The following GSG1L2 variants were observed in gnomAD, a reference collection of about 807,000 sequenced individuals.
GSG1L2 encodes the protein germ cell-specific gene 1-like protein 2.
GSG1L2 carries 15 observed loss-of-function variants against 9.0 expected under a neutral mutation model. The ratio of observed to expected loss-of-function variants is 1.67; its 90% CI spans 1.12 to 2.57. The LOEUF is 2.57. Among genes scored for constraint, GSG1L2 ranks in the 30% most tolerant of loss-of-function variants. The pLI is 0.00. For missense variants in GSG1L2, 286 were observed against 150.3 expected (o/e 1.90, Z -4.72); for synonymous variants, 127 against 57.9 (o/e 2.19, Z -5.41).
intron 1 of GSG1L2, among the ~76,000 whole-genome samples, chr17:9,814,060 A>G (rs9895270): frequency 0.57 from 86,410 of 151,180 alleles, 26,639 homozygotes; most frequent in East Asian, 0.99. Flanking sequence ...TCAGCCTCCC[A>G]AGTAGCTGGG....
intron 1 of GSG1L2, among the ~76,000 whole-genome samples, chr17:9,818,024 C>T (rs973677220): frequency 6.6e-6 from 1 of 152,208 alleles, no homozygotes; most frequent in Admixed American, 6.5e-5. Context: ...TGGCCACCTC[C>T]TTTATGAGGT....
chr17:9,810,743 G>C (rs1276471071), intron 1 of GSG1L2, 125 bp from the exon 2 acceptor site: 3 of 660,324 alleles, frequency 4.5e-6, no homozygotes, highest in Non-Finnish European at 5.5e-6. Flanking sequence ...ACTGCTCAGG[G>C]ACATGAGCTG....
At chr17:9,815,419 G>C (rs910143276) in intron 1 of GSG1L2, among the ~76,000 whole-genome samples, 1 of 152,138 alleles carries the variant, frequency 6.6e-6, no homozygotes, top group East Asian at 1.9e-4. Context: ...TTCTAGGTCA[G>C]CCTTTCCCAA....
In GSG1L2 at chr17:9,802,067, T is replaced by G. The variant is rs1325105440; in HGVS notation, c.*319A>C. Among the ~76,000 whole-genome samples, 1 of 152,232 alleles carries G rather than the reference T, an allele frequency of 6.6e-6. No individual in the cohort carries two copies. The highest frequency in any genetic ancestry group is 1.5e-5 in the Non-Finnish European group (1 of 68,042). ...TGCTTTCCTCTTTCTTCAACTTCTCTTCCCTTAGTACTGGCATCCTCCCTG... is the reference window on the plus strand; with the variant it reads ...TGCTTTCCTCTTTCTTCAACTTCTCGTCCCTTAGTACTGGCATCCTCCCTG... On this transcript the variant is annotated 3_prime_UTR_variant, in exon 5 of 5. Coordinates refer to ENST00000399363, the MANE Select transcript of GSG1L2 (RefSeq NM_001310219.2).
intron 1 of GSG1L2, among the ~76,000 whole-genome samples, chr17:9,816,240 C>T (rs376026775): frequency 6.6e-6 from 1 of 152,348 alleles, no homozygotes; most frequent in East Asian, 1.9e-4. Context: ...TTTATTTCTC[C>T]TTGCTGTTGT....
intron 2 of GSG1L2, chr17:9,809,385 A>G (rs1357480832): frequency 4.0e-5 from 10 of 248,606 alleles, no homozygotes; most frequent in African/African-American, 6.8e-5. Context: ...TACAGCTCTT[A>G]AAGGTGGCAC....
intron 1 of GSG1L2, among the ~76,000 whole-genome samples, chr17:9,812,123 A>G (rs1012147344): frequency 6.6e-6 from 1 of 152,212 alleles, no homozygotes; most frequent in Non-Finnish European, 1.5e-5. Flanking sequence ...GTTCTATTAG[A>G]GCATTTTTGC....
intron 1 of GSG1L2, among the ~76,000 whole-genome samples, chr17:9,817,911 G>A (rs1047622076): frequency 6.6e-6 from 1 of 152,000 alleles, no homozygotes; most frequent in Admixed American, 6.5e-5. Context: ...AAATACCTGG[G>A]TTATGCTGCC....
At chr17:9,821,689 C>T (rs2066590302) in intron 1 of GSG1L2, 73 bp downstream of exon 1, 6 of 671,104 alleles carry the variant, frequency 8.9e-6, no homozygotes, top group African/African-American at 3.5e-5. Flanking sequence ...GGATTCAAAC[C>T]CAGACAGCCT....
At chr17:9,818,501 A>ATTTTTTTTTTTTTTTT (rs377057350) in intron 1 of GSG1L2, among the ~76,000 whole-genome samples, 14 of 82,800 alleles carry the variant, frequency 1.7e-4, no homozygotes, top group Non-Finnish European at 2.0e-4. Context: ...ACACAGCTAA[A>ATTTTTTTTTTTTTTTT]TTTTTTTTTT....
intron 3 of GSG1L2, 153 bp from the exon 4 acceptor site, chr17:9,807,754 C>G (rs1567709116): frequency 1.7e-6 from 1 of 596,258 alleles, no homozygotes; most frequent in Non-Finnish European, 3.0e-6. Context: ...CGCTGGACAT[C>G]TCTTTCCCAC....
At chr17:9,816,452 CTGTG>C (rs2066561224) in intron 1 of GSG1L2, among the ~76,000 whole-genome samples, 2 of 80,224 alleles carry the variant, frequency 2.5e-5, no homozygotes, top group Admixed American at 1.3e-4. Flanking sequence ...GTGCGTGTGT[CTGTG>C]TGTGCGTCCG....
chr17:9,815,726 A>G lies in GSG1L2; in HGVS notation c.311-5108T>C, dbSNP rs77828342. Among the ~76,000 whole-genome samples, 981 of 152,334 alleles carry G rather than the reference A, an allele frequency of 6.4e-3. 10 individuals carry two copies. Among genetic ancestry groups the G allele is most frequent in the African/African-American group, 0.021 (890 of 41,558 alleles). ...GAGTAATATTTGAGGACATCCAGTG[A>G]GGTACTTATTAAGAGCTCTTTCTGT... On this transcript the variant is annotated intron_variant, in intron 1 of 4. Transcript: ENST00000399363.
intron 1 of GSG1L2, among the ~76,000 whole-genome samples, chr17:9,821,097 A>T (rs8064822): frequency 0.17 from 25,939 of 152,160 alleles, 6,772 homozygotes; most frequent in African/African-American, 0.56. Flanking sequence ...GACTGTAATA[A>T]GCTGAGGTCA....
intron 1 of GSG1L2, 37 bp downstream of exon 1, chr17:9,821,725 G>A (rs1034450867): frequency 2.4e-5 from 17 of 696,238 alleles, no homozygotes; most frequent in Non-Finnish European, 3.2e-5. Context: ...GCCCCATCCC[G>A]CACCTGTCTT....
chr17:9,811,494 A>C (rs990366939), intron 1 of GSG1L2, among the ~76,000 whole-genome samples: 4 of 152,306 alleles, frequency 2.6e-5, no homozygotes, highest in African/African-American at 7.2e-5. Flanking sequence ...TTCTAAGTCC[A>C]TGGATATCCA....
chr17:9,802,397 A>T lies in GSG1L2; in HGVS notation c.871T>A (p.Ser291Thr). The T allele has an allele frequency of 1.5e-6, 1 of 665,692 alleles. No homozygotes were observed. The highest frequency in any genetic ancestry group is 1.6e-5 in the South Asian group (1 of 61,236). 41.2% of individuals were successfully genotyped at this position (665,692 alleles called of 1,614,324 possible). The change falls in exon 5 of 5, where the codon TCC (serine) becomes ACC (threonine). Residue 291 changes from serine (S) to threonine (T), a missense_variant. Transcript: ENST00000399363. ...GCCATGGACACTGGCTAGCATATGG[A>T]CACCTTGCCTGGGGCGCCTGGTGGG... ...HLPPGAPGKV[S>T]IC is the part of the protein sequence containing the mutation.
At chr17:9,815,585 C>T (rs927282372) in intron 1 of GSG1L2, among the ~76,000 whole-genome samples, 3 of 152,140 alleles carry the variant, frequency 2.0e-5, no homozygotes, top group Admixed American at 6.5e-5. Flanking sequence ...TGCTAATGTG[C>T]GTTGTGAATT....
chr17:9,808,338 C>T (rs2066523999), intron 3 of GSG1L2, among the ~76,000 whole-genome samples: 1 of 152,046 alleles, frequency 6.6e-6, no homozygotes, highest in South Asian at 2.1e-4. Context: ...AATATTTGTA[C>T]CAAATGTTGA....
Sources: gnomAD v4.1 joint callset for allele counts (sites outside exome capture counted in the v4.1 genomes callset) on GRCh38, gnomAD v4.1.1 for gene constraint, MANE v1.5 for transcripts, NCBI Gene and HGNC (gene_info 2026-07-23, HGNC 2026-07-21) for gene names.